The following MAN1A1 variants were observed in gnomAD, a reference collection of about 807,000 sequenced individuals.
The protein encoded by MAN1A1 is mannosyl-oligosaccharide 1,2-alpha-mannosidase IA.
In MAN1A1, 29 loss-of-function variants were observed where a neutral mutation model predicts 70.8. The observed-to-expected ratio is 0.41, with a 90% CI of 0.31 to 0.56. The LOEUF (loss-of-function observed/expected upper bound fraction) is 0.56, where lower values mean the gene tolerates loss of function less well. Ranked by LOEUF, MAN1A1 falls within the 20% of genes least tolerant of loss-of-function variation. MAN1A1 has a pLI of 0.29. For missense variants in MAN1A1, 747 were observed against 841.3 expected (o/e 0.89, Z 1.39); for synonymous variants, 349 against 330.1 (o/e 1.06, Z -0.62).
chr6:119,234,070 G>A (rs1338345381), intron 6 of MAN1A1, among the ~76,000 whole-genome samples: 2 of 152,160 alleles, frequency 1.3e-5, no homozygotes, highest in Non-Finnish European at 2.9e-5. Context: ...TCTGTGACAA[G>A]TGGTTGTCAG....
At chr6:119,331,374 T>C (rs1358136087) in intron 2 of MAN1A1, among the ~76,000 whole-genome samples, 3 of 151,946 alleles carry the variant, frequency 2.0e-5, no homozygotes, top group Non-Finnish European at 4.4e-5. Context: ...TAACATTATG[T>C]ATCCTAAACT....
In MAN1A1 at chr6:119,308,354, A is replaced by G. The variant is rs76645914; in HGVS notation, c.604-1362T>C. 3.9e-5 allele frequency among the ~76,000 whole-genome samples: 6 copies of G among 152,316 alleles called. No homozygotes were observed. In the East Asian group the frequency reaches 9.6e-4, roughly 24 times the overall value. On this transcript the variant is annotated intron_variant, in intron 2 of 12. Transcript: ENST00000368468. Reference sequence around the variant, plus strand: ...TTGTTGATCTTTCAACAATCAAAAGAATGTGTATATGGTAGTGTTTTCAGG... The same window carrying G: ...TTGTTGATCTTTCAACAATCAAAAGGATGTGTATATGGTAGTGTTTTCAGG...
intron 6 of MAN1A1, among the ~76,000 whole-genome samples, chr6:119,217,753 C>T (rs1386677651): frequency 6.6e-6 from 1 of 152,180 alleles, no homozygotes; most frequent in African/African-American, 2.4e-5. Flanking sequence ...TGTATCCCTA[C>T]CCCATTGCAA....
chr6:119,266,719 A>G (rs1219998275), intron 5 of MAN1A1, among the ~76,000 whole-genome samples: 1 of 152,188 alleles, frequency 6.6e-6, no homozygotes, highest in South Asian at 2.1e-4. Flanking sequence ...AGCATGATCC[A>G]TGAAAGAAAA....
At chr6:119,200,419 T>C (rs1359570733) in intron 8 of MAN1A1, among the ~76,000 whole-genome samples, 1 of 152,184 alleles carries the variant, frequency 6.6e-6, no homozygotes, top group African/African-American at 2.4e-5. Flanking sequence ...GGCATATACT[T>C]TCCTATTAAA....
At chr6:119,307,046 C>G in intron 2 of MAN1A1, 54 bp from the exon 3 acceptor site, 2 of 1,201,460 alleles carry the variant, frequency 1.7e-6, no homozygotes, top group South Asian at 2.5e-5. Context: ...GTTTTTGCTA[C>G]AAAATAGGTA....
chr6:119,321,273 T>C (rs1562241451), intron 2 of MAN1A1, among the ~76,000 whole-genome samples: 1 of 152,216 alleles, frequency 6.6e-6, no homozygotes, highest in Non-Finnish European at 1.5e-5. Flanking sequence ...GAATTCCATA[T>C]CCTTCATTTC....
chr6:119,205,281 T>G (rs945262338), intron 6 of MAN1A1, among the ~76,000 whole-genome samples: 1 of 152,214 alleles, frequency 6.6e-6, no homozygotes, highest in Non-Finnish European at 1.5e-5. Flanking sequence ...GACCAAGGAA[T>G]TTTGGACATT....
intron 6 of MAN1A1, among the ~76,000 whole-genome samples, chr6:119,219,932 T>A (rs1257718759): frequency 3.2e-5 from 4 of 123,462 alleles, no homozygotes; most frequent in Non-Finnish European, 7.4e-5. Flanking sequence ...TCTTGTCTGG[T>A]GATTTTTTTT....
At chr6:119,300,642 C>T (rs1772366926) in intron 4 of MAN1A1, among the ~76,000 whole-genome samples, 1 of 152,128 alleles carries the variant, frequency 6.6e-6, no homozygotes, top group African/African-American at 2.4e-5. Flanking sequence ...CTATCAATAT[C>T]AGCACTACCA....
chr6:119,248,362 G>C lies in MAN1A1; in HGVS notation c.898-8C>G. ...TGCTTTCTTTCGAAAAATCTGAAAAGTCAAACAGTTAACTGTAAGCTACTG... is the reference window on the plus strand; with the variant it reads ...TGCTTTCTTTCGAAAAATCTGAAAACTCAAACAGTTAACTGTAAGCTACTG... On this transcript the variant is annotated splice_region_variant and splice_polypyrimidine_tract_variant and intron_variant, in intron 5 of 12. Coordinates refer to ENST00000368468, the MANE Select transcript of MAN1A1 (RefSeq NM_005907.4). 1 of 1,541,066 alleles carries C rather than the reference G, an allele frequency of 6.5e-7. No individual in the cohort carries two copies. The highest frequency in any genetic ancestry group is 9.0e-7 in the Non-Finnish European group (1 of 1,113,604).
intron 6 of MAN1A1, among the ~76,000 whole-genome samples, chr6:119,212,361 A>G (rs893698357): frequency 2.0e-5 from 3 of 152,106 alleles, no homozygotes; most frequent in Non-Finnish European, 4.4e-5. Context: ...TTTTGGCAGA[A>G]ATTCTGAGGC....
At chr6:119,220,437 G>C (rs1404426985) in intron 6 of MAN1A1, among the ~76,000 whole-genome samples, 1 of 151,958 alleles carries the variant, frequency 6.6e-6, no homozygotes, top group Admixed American at 6.6e-5. Context: ...CTTCTCTTTA[G>C]AATGACTTGT....
intron 5 of MAN1A1, among the ~76,000 whole-genome samples, chr6:119,258,288 T>C (rs1221656226): frequency 2.0e-5 from 3 of 152,224 alleles, no homozygotes; most frequent in Non-Finnish European, 4.4e-5. Flanking sequence ...CATCTGTGCA[T>C]ATACAGTTGG....
chr6:119,289,699 CAG>C (rs1489613997), intron 5 of MAN1A1, among the ~76,000 whole-genome samples: 2 of 151,810 alleles, frequency 1.3e-5, no homozygotes, highest in Admixed American at 6.6e-5. Flanking sequence ...AAAATCTAAA[CAG>C]AGAGGAAATG....
At chr6:119,209,694 A>G (rs1196423010) in intron 6 of MAN1A1, among the ~76,000 whole-genome samples, 1 of 152,198 alleles carries the variant, frequency 6.6e-6, no homozygotes, top group East Asian at 1.9e-4. Flanking sequence ...CTTCACTTAC[A>G]AACGCGTCCT....
intron 8 of MAN1A1, among the ~76,000 whole-genome samples, chr6:119,194,109 T>G (rs940798965): frequency 6.6e-6 from 1 of 152,196 alleles, no homozygotes; most frequent in African/African-American, 2.4e-5. Context: ...CAGAGTAGTT[T>G]TGTAAACATG....
At position 119,180,432 on chromosome 6, in the gene MAN1A1, A is replaced by G. The variant is rs766138246; in HGVS notation, c.1720-5T>C. Reference sequence around the variant, plus strand: ...TCTGCAATGGTTTTCCAAGGCCTAAATTATAGAGGAGGAAAAAAAAAAGTC... The same window carrying G: ...TCTGCAATGGTTTTCCAAGGCCTAAGTTATAGAGGAGGAAAAAAAAAAGTC... On this transcript the variant is annotated splice_region_variant and splice_polypyrimidine_tract_variant and intron_variant, in intron 11 of 12. Transcript: ENST00000368468. 1 of 1,478,736 alleles carries G rather than the reference A, an allele frequency of 6.8e-7. No homozygotes were observed. Among genetic ancestry groups the G allele is most frequent in the South Asian group, 1.2e-5 (1 of 83,708 alleles). 91.6% of individuals were successfully genotyped at this position (1,478,736 alleles called of 1,614,324 possible). A position where few individuals can be genotyped will look rare whatever the true frequency, so the allele number is the denominator to read the frequency against.
intron 5 of MAN1A1, among the ~76,000 whole-genome samples, chr6:119,277,970 T>TAAAAAAAAAA (rs1182172925): frequency 1.0e-5 from 1 of 98,228 alleles, no homozygotes; most frequent in Non-Finnish European, 2.1e-5. Flanking sequence ...TAAAAATAAA[T>TAAAAAAAAAA]AAATAAATAA....
Sources: allele counts gnomAD v4.1 joint callset (sites outside exome capture counted in the v4.1 genomes callset), GRCh38; gene constraint gnomAD v4.1.1; transcripts MANE v1.5; gene names NCBI Gene and HGNC (gene_info 2026-07-23, HGNC 2026-07-21).